AXDND1: variants seen among roughly 807,000 people sequenced by gnomAD.
AXDND1 encodes axonemal dynein light chain domain-containing protein 1.
In AXDND1, 110 loss-of-function variants were observed where a neutral mutation model predicts 137.5. The observed-to-expected ratio is 0.80, with a 90% CI of 0.69 to 0.94. AXDND1 has a LOEUF of 0.94. AXDND1 is among the 40% of genes least tolerant of loss of function. The probability of loss-of-function intolerance (pLI) is 0.00; values close to 1 mark genes in which losing one functional copy is unlikely to be tolerated. For synonymous variants in AXDND1, 414 were observed against 399.7 expected, an observed-to-expected ratio of 1.04 and a Z score of -0.43; for missense variants, 1,191 against 1,169.8, an observed-to-expected ratio of 1.02 and a Z score of -0.26.
intron 16 of AXDND1, among the ~76,000 whole-genome samples, chr1:179,446,566 C>T (rs1199450172): frequency 6.6e-6 from 1 of 152,152 alleles, no homozygotes; most frequent in African/African-American, 2.4e-5. Flanking sequence ...ATTCTGTTGC[C>T]AGTGGTCTAC....
At chr1:179,457,014 A>G (rs1335934453) in intron 16 of AXDND1, 4 of 1,565,884 alleles carry the variant, frequency 2.6e-6, no homozygotes, top group East Asian at 2.2e-5. Context: ...CCACCAACAA[A>G]TATCTTTTTC....
At chr1:179,419,886 C>A (rs1213443481) in intron 12 of AXDND1, among the ~76,000 whole-genome samples, 1 of 152,028 alleles carries the variant, frequency 6.6e-6, no homozygotes, top group Non-Finnish European at 1.5e-5. Flanking sequence ...AAGATTATGT[C>A]TTTTGTGAAT....
rs536616026 is a variant in AXDND1, at chr1:179,386,947, A to T, written c.863+1588A>T. ...ATCTTACTTTAATCCTATCTAGTAT[A>T]TATTTTCATCTCAGACATTTTTGCT... On this transcript the variant is annotated intron_variant, in intron 9 of 25. Coordinates refer to ENST00000367618, the MANE Select transcript of AXDND1 (RefSeq NM_144696.6). Among the ~76,000 whole-genome samples the T allele has an allele frequency of 1.1e-4, 17 of 151,922 alleles. No individual in the cohort carries two copies. In the East Asian group the frequency reaches 3.3e-3, roughly 29 times the overall value.
At chr1:179,551,163 C>A in intron 25 of AXDND1, 1 of 1,613,712 alleles carries the variant, frequency 6.2e-7, no homozygotes, top group Non-Finnish European at 8.5e-7. Context: ...CACATTATGC[C>A]CCATCCTTCC....
chr1:179,530,115 T>C (rs1047270896), intron 23 of AXDND1, among the ~76,000 whole-genome samples: 1 of 152,154 alleles, frequency 6.6e-6, no homozygotes, highest in Non-Finnish European at 1.5e-5. Flanking sequence ...CTGCAACCTC[T>C]GCCTCCCAAG....
intron 18 of AXDND1, among the ~76,000 whole-genome samples, chr1:179,484,153 T>G (rs1200673354): frequency 1.3e-5 from 2 of 152,188 alleles, no homozygotes; most frequent in Admixed American, 6.5e-5. Flanking sequence ...TGACCTACTC[T>G]TGCCGTAGGC....
chr1:179,373,551 G>C (rs962681178), intron 4 of AXDND1, among the ~76,000 whole-genome samples: 2 of 152,096 alleles, frequency 1.3e-5, no homozygotes, highest in Admixed American at 6.6e-5. Flanking sequence ...AAAGCTGGAG[G>C]CATCACGCTA....
At chr1:179,388,362 T>C (rs1414526165) in intron 9 of AXDND1, among the ~76,000 whole-genome samples, 1 of 152,240 alleles carries the variant, frequency 6.6e-6, no homozygotes, top group Admixed American at 6.5e-5. Context: ...TGATGATCTT[T>C]GACTCATGTC....
chr1:179,472,444 T>C (rs1196236783), intron 17 of AXDND1, among the ~76,000 whole-genome samples: 1 of 152,214 alleles, frequency 6.6e-6, no homozygotes, highest in East Asian at 1.9e-4. Context: ...GAATTTTCCA[T>C]GTACACTTGA....
At position 179,369,965 on chromosome 1, in the gene AXDND1, T is replaced by A; in HGVS notation, c.271-10T>A. On this transcript the variant is annotated splice_polypyrimidine_tract_variant and intron_variant, in intron 3 of 25. Transcript: ENST00000367618. The stretch of plus-strand genomic sequence containing the variant: ...CTGCTGGATATTCATGTGTATTTGC[T>A]TTTTCCCAGGGCACTCTTCCACGCC... The A allele has an allele frequency of 1.9e-6, 3 of 1,606,212 alleles. No individual in the cohort carries two copies. The highest frequency in any genetic ancestry group is 2.6e-6 in the Non-Finnish European group (3 of 1,173,428).
chr1:179,431,173 A>G (rs1657319287), intron 14 of AXDND1, among the ~76,000 whole-genome samples: 1 of 151,888 alleles, frequency 6.6e-6, no homozygotes. Context: ...ACTGGGTCTT[A>G]TTCTGTCACC....
intron 9 of AXDND1, among the ~76,000 whole-genome samples, chr1:179,391,273 T>C (rs1365457512): frequency 6.6e-6 from 1 of 152,054 alleles, no homozygotes; most frequent in African/African-American, 2.4e-5. Context: ...TCAATAGTTT[T>C]TGGAGAACAG....
At chr1:179,490,762 G>GTTTTT (rs34944088) in intron 18 of AXDND1, among the ~76,000 whole-genome samples, 11 of 146,638 alleles carry the variant, frequency 7.5e-5, no homozygotes, top group African/African-American at 1.5e-4. Context: ...CACAGTACTT[G>GTTTTT]TTTTTTTTTT....
chr1:179,535,154 G>T, intron 25 of AXDND1, 192 bp downstream of exon 25: 1 of 742,312 alleles, frequency 1.3e-6, no homozygotes, highest in Non-Finnish European at 2.1e-6. Flanking sequence ...AAAACCAAAT[G>T]AATAACAATT....
At chr1:179,494,006 C>T (rs1667196627) in intron 20 of AXDND1, among the ~76,000 whole-genome samples, 1 of 152,032 alleles carries the variant, frequency 6.6e-6, no homozygotes, top group African/African-American at 2.4e-5. Context: ...GGCTGGAGTG[C>T]AGTGGCATGA....
chr1:179,455,962 A>C, intron 16 of AXDND1: 1 of 275,406 alleles, frequency 3.6e-6, no homozygotes, highest in East Asian at 8.8e-5. Flanking sequence ...GCCAAAAAAA[A>C]AAAACTACAT....
chr1:179,401,700 C>A (rs371870012), intron 11 of AXDND1, among the ~76,000 whole-genome samples: 1 of 151,944 alleles, frequency 6.6e-6, no homozygotes, highest in African/African-American at 2.4e-5. Flanking sequence ...GTACTGTTCT[C>A]GTGGTAGTAA....
chr1:179,526,793 C>T (rs1670570972), intron 22 of AXDND1, among the ~76,000 whole-genome samples: 1 of 152,178 alleles, frequency 6.6e-6, no homozygotes, highest in Non-Finnish European at 1.5e-5. Context: ...GGTGTCTTAA[C>T]CAGAGTGACT....
intron 9 of AXDND1, among the ~76,000 whole-genome samples, chr1:179,391,597 C>T (rs898934451): frequency 8.6e-5 from 13 of 151,880 alleles, no homozygotes; most frequent in South Asian, 2.1e-4. Flanking sequence ...AGTGCAGTGG[C>T]GCAATCTCAG....
Sources: gnomAD v4.1 joint callset for allele counts (sites outside exome capture counted in the v4.1 genomes callset) on GRCh38, gnomAD v4.1.1 for gene constraint, MANE v1.5 for transcripts, NCBI Gene and HGNC (gene_info 2026-07-23, HGNC 2026-07-21) for gene names.